Variants in ATE1 observed in about 807,000 individuals in gnomAD.
ATE1 encodes arginyltransferase 1.
A neutral mutation model predicts 70.5 loss-of-function variants in ATE1; 36 were observed. The observed-to-expected ratio is 0.51, with a 90% CI of 0.39 to 0.67. The LOEUF is 0.67. Ranked by LOEUF, ATE1 falls within the 30% of genes least tolerant of loss-of-function variation. The pLI, the probability that ATE1 is intolerant of heterozygous loss-of-function variation, is 0.00. For missense variants in ATE1, 593 were observed against 629.5 expected (o/e 0.94, Z 0.62); for synonymous variants, 232 against 219.3 (o/e 1.06, Z -0.51).
chr10:121,846,424 A>G (rs1459122056), intron 8 of ATE1, among the ~76,000 whole-genome samples: 1 of 152,198 alleles, frequency 6.6e-6, no homozygotes, highest in Non-Finnish European at 1.5e-5. Context: ...ACTCCCTACT[A>G]CTTAAGTGCA....
chr10:121,826,618 T>C (rs1028769529), intron 10 of ATE1, among the ~76,000 whole-genome samples: 4 of 152,176 alleles, frequency 2.6e-5, no homozygotes, highest in Non-Finnish European at 5.9e-5. Flanking sequence ...ATAATTTTTT[T>C]CCAACTTTTA....
intron 11 of ATE1, among the ~76,000 whole-genome samples, chr10:121,788,070 T>C (rs964540795): frequency 1.3e-5 from 2 of 152,224 alleles, no homozygotes; most frequent in African/African-American, 4.8e-5. Flanking sequence ...TTTAGTAAGA[T>C]GTTCAGCAGT....
At chr10:121,804,300 C>T (rs190957560) in intron 10 of ATE1, among the ~76,000 whole-genome samples, 2 of 152,192 alleles carry the variant, frequency 1.3e-5, no homozygotes, top group East Asian at 3.9e-4. Flanking sequence ...AATGACTATA[C>T]CATTAAAATA....
intron 10 of ATE1, among the ~76,000 whole-genome samples, chr10:121,793,955 T>C (rs1320717125): frequency 1.3e-5 from 2 of 152,204 alleles, no homozygotes; most frequent in East Asian, 1.9e-4. Flanking sequence ...TAATATTACA[T>C]TTACATTTAT....
At chr10:121,820,590 A>G (rs1310814401) in intron 10 of ATE1, among the ~76,000 whole-genome samples, 1 of 152,236 alleles carries the variant, frequency 6.6e-6, no homozygotes, top group African/African-American at 2.4e-5. Context: ...AATCTACAAG[A>G]GCAAAAATGA....
chr10:121,849,695 C>G (rs966753653), intron 8 of ATE1, among the ~76,000 whole-genome samples: 12 of 152,176 alleles, frequency 7.9e-5, no homozygotes, highest in African/African-American at 2.7e-4. Context: ...TAATGATCTG[C>G]TCTTCTCAAT....
rs376409641 is a variant in ATE1, at chr10:121,858,833, C to T, written c.975+11173G>A. Among the ~76,000 whole-genome samples, 33 of 151,936 alleles carry T rather than the reference C, an allele frequency of 2.2e-4. 1 individual carries two copies. In the South Asian group the frequency reaches 5.0e-3, roughly 23 times the overall value. Reference sequence around the variant, plus strand: ...TGTAAGGGCCGGGCGCGGTGGCTCACGCCTGTAATCCCAGCACTTTGGGAT... The same window carrying T: ...TGTAAGGGCCGGGCGCGGTGGCTCATGCCTGTAATCCCAGCACTTTGGGAT... On this transcript the variant is annotated intron_variant, in intron 8 of 11. Transcript: ENST00000224652.
intron 7 of ATE1, chr10:121,899,080 C>T (rs3750837): frequency 0.16 from 200,843 of 1,273,444 alleles, 16,787 homozygotes; most frequent in East Asian, 0.18. Flanking sequence ...AGCTCGAACT[C>T]GAATTTGTCA....
chr10:121,837,617 T>A (rs1218236947), intron 9 of ATE1, among the ~76,000 whole-genome samples: 3 of 152,230 alleles, frequency 2.0e-5, no homozygotes, highest in African/African-American at 7.2e-5. Context: ...TAGCAATTGA[T>A]GCTTGAAATT....
Position 121,911,170 on chromosome 10 carries a change from T to C in ATE1, c.338-19A>G. The C allele has an allele frequency of 6.3e-7, 1 of 1,598,106 alleles. No individual in the cohort carries two copies. Among genetic ancestry groups the C allele is most frequent in the Admixed American group, 1.8e-5 (1 of 54,404 alleles). On this transcript the variant is annotated intron_variant, in intron 4 of 11. Transcript: ENST00000224652. ...GGCTCATCTACAAATCAGAAGAAAT[T>C]AAAAATCCATCAGCTGGGTTATTTG... is the stretch of plus-strand genomic sequence containing the variant.
chr10:121,839,458 C>G (rs1260970906), intron 9 of ATE1, among the ~76,000 whole-genome samples: 1 of 151,920 alleles, frequency 6.6e-6, no homozygotes, highest in Non-Finnish European at 1.5e-5. Flanking sequence ...AACAAAAAAC[C>G]AGCAATTATT....
In ATE1 at chr10:121,854,316, C is replaced by T. The variant is rs559373740; in HGVS notation, c.976-13053G>A. On this transcript the variant is annotated intron_variant, in intron 8 of 11. Transcript: ENST00000224652. ...CACATATTCTTAAATGTTCTTTGTA[C>T]CAGTTTTAATGCCTTACTGGTTTTG... Among the ~76,000 whole-genome samples the T allele has an allele frequency of 9.2e-5, 14 of 152,248 alleles. No homozygotes were observed. The South Asian group carries it at 2.1e-3, about 23-fold the overall frequency.
Position 121,769,205 on chromosome 10 carries a change from T to C in ATE1, c.1378+20964A>G, listed in dbSNP as rs115592849. Among the ~76,000 whole-genome samples the C allele has an allele frequency of 4.4e-3, 662 of 151,786 alleles. 5 individuals are homozygous for C. The highest frequency in any genetic ancestry group is 0.015 in the African/African-American group (636 of 41,394). On this transcript the variant is annotated intron_variant, in intron 11 of 11. Transcript: ENST00000224652. ...TATTGGTGGAGGACTGACATATAAA[T>C]ACATGGAAGAGAATAAACAAACCAT...
chr10:121,813,059 T>G (rs771115614), intron 10 of ATE1, among the ~76,000 whole-genome samples: 14 of 152,240 alleles, frequency 9.2e-5, no homozygotes, highest in Admixed American at 3.9e-4. Context: ...GTTTCACTAT[T>G]TTAAAATTTG....
chr10:121,803,309 A>G (rs1946968011), intron 10 of ATE1, among the ~76,000 whole-genome samples: 1 of 152,208 alleles, frequency 6.6e-6, no homozygotes, highest in African/African-American at 2.4e-5. Flanking sequence ...ACAGAATCTT[A>G]AAATTGGACC....
chr10:121,818,256 CAA>C (rs66792557), intron 10 of ATE1, among the ~76,000 whole-genome samples: 51 of 63,398 alleles, frequency 8.0e-4, no homozygotes, highest in South Asian at 1.8e-3. Context: ...GACTCCATCT[CAA>C]AAAAAAAAAA....
intron 6 of ATE1, among the ~76,000 whole-genome samples, chr10:121,900,418 A>T (rs1950935063): frequency 1.3e-5 from 2 of 152,196 alleles, no homozygotes; most frequent in South Asian, 2.1e-4. Context: ...CCTCAACTTA[A>T]AACTTGACTG....
At chr10:121,882,134 T>C (rs932024797) in intron 7 of ATE1, among the ~76,000 whole-genome samples, 10 of 152,206 alleles carry the variant, frequency 6.6e-5, no homozygotes, top group African/African-American at 2.4e-4. Flanking sequence ...AATTAAAATA[T>C]TAAAAATTCT....
chr10:121,854,154 G>A (rs1949158832), intron 8 of ATE1, among the ~76,000 whole-genome samples: 1 of 152,098 alleles, frequency 6.6e-6, no homozygotes, highest in Non-Finnish European at 1.5e-5. Flanking sequence ...AGGTGCAGAG[G>A]TTAACTTGTA....
Sources: gnomAD v4.1 joint callset for allele counts (sites outside exome capture counted in the v4.1 genomes callset) on GRCh38, gnomAD v4.1.1 for gene constraint, MANE v1.5 for transcripts, NCBI Gene and HGNC (gene_info 2026-07-23, HGNC 2026-07-21) for gene names.